The following OTUD7B variants were observed in gnomAD, a reference collection of about 807,000 sequenced individuals.
OTUD7B encodes OTU deubiquitinase 7B.
OTUD7B carries 34 observed loss-of-function variants against 82.2 expected under a neutral mutation model. That is an observed-to-expected ratio of 0.41 (90% CI 0.31 to 0.55). The LOEUF is 0.55. Among genes scored for constraint, OTUD7B ranks in the 20% least tolerant of loss-of-function variants. The pLI is 0.20. For missense variants in OTUD7B, 944 were observed against 1,062.1 expected, an observed-to-expected ratio of 0.89 and a Z score of 1.55; for synonymous variants, 398 against 402.7, an observed-to-expected ratio of 0.99 and a Z score of 0.14.
At chr1:149,988,434 A>G (rs1553781317) in intron 1 of OTUD7B, among the ~76,000 whole-genome samples, 2 of 152,148 alleles carry the variant, frequency 1.3e-5, no homozygotes, top group African/African-American at 4.8e-5. Flanking sequence ...CAACAGACAA[A>G]TCCCATCAAT....
Position 149,941,381 on chromosome 1 carries a change from G to C in OTUD7B, c.*2476C>G, listed in dbSNP as rs1553770380. 1 of 152,334 alleles carries C rather than the reference G, an allele frequency of 6.6e-6. No individual in the cohort carries two copies. The highest frequency in any genetic ancestry group is 1.9e-4 in the East Asian group (1 of 5,202). 9.4% of individuals were successfully genotyped at this position (152,334 alleles called of 1,614,324 possible). A position where few individuals can be genotyped will look rare whatever the true frequency, so the allele number is the denominator to read the frequency against. ...TGAAGGCCTAAATTAGGAAAGCTAG[G>C]TGAGCTGTGCAAATTCAGGGTGTCT... is the stretch of plus-strand genomic sequence containing the variant. On this transcript the variant is annotated 3_prime_UTR_variant, in exon 12 of 12. Coordinates refer to ENST00000581312, the MANE Select transcript of OTUD7B (RefSeq NM_020205.4).
At chr1:149,965,209 A>AGC (rs1275194338) in intron 5 of OTUD7B, among the ~76,000 whole-genome samples, 1 of 152,024 alleles carries the variant, frequency 6.6e-6, no homozygotes, top group Non-Finnish European at 1.5e-5. Context: ...TTAAATATTA[A>AGC]GCCTATTTAC....
In OTUD7B at chr1:149,943,727, A is replaced by T; in HGVS notation, c.*130T>A. ...GCAGCACTCCTGTGTGCACACACTTAAAAGTTTCCAGCCAGGCTCCCACAA... is the reference window on the plus strand; with the variant it reads ...GCAGCACTCCTGTGTGCACACACTTTAAAGTTTCCAGCCAGGCTCCCACAA... On this transcript the variant is annotated 3_prime_UTR_variant, in exon 12 of 12. Transcript: ENST00000581312. The T allele has an allele frequency of 1.9e-6, 2 of 1,038,634 alleles. No homozygotes were observed. Among genetic ancestry groups the T allele is most frequent in the African/African-American group, 1.6e-5 (1 of 63,124 alleles). The allele number at this position is 1,038,634 out of a possible 1,614,324, so 64.3% of individuals were successfully genotyped here. A position where few individuals can be genotyped will look rare whatever the true frequency, so the allele number is the denominator to read the frequency against.
At chr1:150,007,555 C>G (rs1559870527) in intron 1 of OTUD7B, among the ~76,000 whole-genome samples, 1 of 152,140 alleles carries the variant, frequency 6.6e-6, no homozygotes, top group Non-Finnish European at 1.5e-5. Flanking sequence ...CTTTCCCATC[C>G]ACCCTCAACC....
At chr1:150,059,057 T>TC in the OTUD7B span, among the ~76,000 whole-genome samples, 2 of 148,062 alleles carry the variant, frequency 1.4e-5, no homozygotes, top group Non-Finnish European at 3.0e-5. Flanking sequence ...TCTTTTCTTT[T>TC]TTTTTTTTTT....
chr1:150,031,772 AGATAGT>A, the OTUD7B span, among the ~76,000 whole-genome samples: 1 of 152,186 alleles, frequency 6.6e-6, no homozygotes, highest in Non-Finnish European at 1.5e-5. Flanking sequence ...TGTAAAGCAG[AGATAGT>A]GATAGTACCT....
chr1:149,956,257 G>A (rs587744531), intron 7 of OTUD7B, among the ~76,000 whole-genome samples: 29 of 152,144 alleles, frequency 1.9e-4, no homozygotes, highest in South Asian at 6.2e-4. Context: ...CAGCATTTGC[G>A]TGTCTGTAAA....
chr1:150,011,097 T>C (rs1392029316), upstream of OTUD7B, among the ~76,000 whole-genome samples: 1 of 152,160 alleles, frequency 6.6e-6, no homozygotes, highest in Non-Finnish European at 1.5e-5. Flanking sequence ...GACATTCTAG[T>C]AACTCTACAC....
chr1:149,973,269 G>C (rs1650052201), intron 2 of OTUD7B, among the ~76,000 whole-genome samples: 1 of 152,000 alleles, frequency 6.6e-6, no homozygotes, highest in Admixed American at 6.6e-5. Context: ...GTATTGAACA[G>C]TCCCATTAGC....
At chr1:150,032,948 T>A in the OTUD7B span, among the ~76,000 whole-genome samples, 5 of 152,208 alleles carry the variant, frequency 3.3e-5, no homozygotes, top group Non-Finnish European at 5.9e-5. Context: ...GCTAAACAAC[T>A]GAAGGCATTT....
intron 3 of OTUD7B, among the ~76,000 whole-genome samples, chr1:149,969,685 C>T (rs1267854193): frequency 6.6e-6 from 1 of 152,082 alleles, no homozygotes; most frequent in African/African-American, 2.4e-5. Flanking sequence ...TGCATTGTGT[C>T]TTACCTTTTT....
At chr1:150,057,047 T>G in the OTUD7B span, among the ~76,000 whole-genome samples, 1 of 152,200 alleles carries the variant, frequency 6.6e-6, no homozygotes, top group East Asian at 1.9e-4. Context: ...GTGATCAAAG[T>G]TAATATCACC....
the OTUD7B span, among the ~76,000 whole-genome samples, chr1:150,045,194 C>T: frequency 2.6e-5 from 4 of 151,132 alleles, no homozygotes; most frequent in Admixed American, 2.0e-4. Context: ...CAGGTTCAAG[C>T]GATTGTCATG....
chr1:149,958,072 C>G (rs1648834873), intron 7 of OTUD7B, among the ~76,000 whole-genome samples: 1 of 152,166 alleles, frequency 6.6e-6, no homozygotes, highest in South Asian at 2.1e-4. Context: ...GAACCCGGTA[C>G]CTCAGTTGGA....
chr1:150,061,547 T>C, the OTUD7B span, among the ~76,000 whole-genome samples: 1 of 152,206 alleles, frequency 6.6e-6, no homozygotes, highest in African/African-American at 2.4e-5. Flanking sequence ...GAGAGTTCTC[T>C]AGGGCAACGA....
At chr1:149,981,785 G>T (rs1650748842) in intron 1 of OTUD7B, among the ~76,000 whole-genome samples, 1 of 152,112 alleles carries the variant, frequency 6.6e-6, no homozygotes, top group African/African-American at 2.4e-5. Flanking sequence ...TCCACTTCCA[G>T]ACCATCTTGA....
chr1:149,991,945 T>C (rs587606722), intron 1 of OTUD7B, among the ~76,000 whole-genome samples: 35 of 152,284 alleles, frequency 2.3e-4, no homozygotes, highest in African/African-American at 7.7e-4. Flanking sequence ...AAGTAAATCA[T>C]GGGGCAGGGC....
At chr1:150,013,215 C>T (rs928093450), upstream of OTUD7B, among the ~76,000 whole-genome samples, 2 of 152,170 alleles carry the variant, frequency 1.3e-5, no homozygotes, top group Admixed American at 6.5e-5. Context: ...TCTTTTCCAC[C>T]CTAGAGATCT....
At chr1:149,997,650 A>G (rs1409368268) in intron 1 of OTUD7B, among the ~76,000 whole-genome samples, 1 of 152,212 alleles carries the variant, frequency 6.6e-6, no homozygotes, top group Non-Finnish European at 1.5e-5. Flanking sequence ...GAATCTCAGA[A>G]GATAGCTCTA....
Sources: allele counts gnomAD v4.1 joint callset (sites outside exome capture counted in the v4.1 genomes callset), GRCh38; gene constraint gnomAD v4.1.1; transcripts MANE v1.5; gene names NCBI Gene and HGNC (gene_info 2026-07-23, HGNC 2026-07-21).